Variants in GPR158 observed in about 807,000 individuals in gnomAD.
The protein encoded by GPR158 is G protein-coupled receptor 158.
A neutral mutation model predicts 78.2 loss-of-function variants in GPR158; 30 were observed. That is an observed-to-expected ratio of 0.38 (90% CI 0.29 to 0.52). GPR158 has a LOEUF of 0.52. Ranked by LOEUF, GPR158 falls within the 20% of genes least tolerant of loss-of-function variation. The pLI is 0.83. For synonymous variants in GPR158, 581 were observed against 591.1 expected (o/e 0.98, Z 0.25); for missense variants, 1,463 against 1,523.5 (o/e 0.96, Z 0.66).
At chr10:25,429,898 A>T (rs1171056634) in intron 4 of GPR158, among the ~76,000 whole-genome samples, 1 of 140,568 alleles carries the variant, frequency 7.1e-6, no homozygotes, top group African/African-American at 2.7e-5. Flanking sequence ...ACCCACAGCC[A>T]ATATCATACT....
intron 2 of GPR158, among the ~76,000 whole-genome samples, chr10:25,289,769 C>G (rs1056920881): frequency 1.3e-5 from 2 of 152,104 alleles, no homozygotes; most frequent in Non-Finnish European, 2.9e-5. Context: ...TTGAAGTCCA[C>G]AAACGTGAGG....
intron 5 of GPR158, among the ~76,000 whole-genome samples, chr10:25,522,918 T>G (rs966487554): frequency 2.0e-5 from 3 of 152,082 alleles, no homozygotes; most frequent in Admixed American, 2.0e-4. Flanking sequence ...AAGGTTATAT[T>G]AATCTCAATT....
At chr10:25,476,682 A>G (rs990984302) in intron 5 of GPR158, among the ~76,000 whole-genome samples, 1 of 152,098 alleles carries the variant, frequency 6.6e-6, no homozygotes, top group Non-Finnish European at 1.5e-5. Context: ...CAAGAATTAA[A>G]TCCATTCTCT....
chr10:25,402,707 A>G (rs1012830073), intron 3 of GPR158, among the ~76,000 whole-genome samples: 2 of 152,056 alleles, frequency 1.3e-5, no homozygotes, highest in South Asian at 2.1e-4. Flanking sequence ...ATTTATTTCT[A>G]CTATTCTTGT....
At chr10:25,579,419 T>C (rs1443336810) in intron 7 of GPR158, among the ~76,000 whole-genome samples, 3 of 152,296 alleles carry the variant, frequency 2.0e-5, no homozygotes, top group East Asian at 1.9e-4. Flanking sequence ...AGGCAGGTCC[T>C]CCAGTATGGG....
At chr10:25,539,766 T>G (rs1836550557) in intron 5 of GPR158, among the ~76,000 whole-genome samples, 1 of 152,166 alleles carries the variant, frequency 6.6e-6, no homozygotes, top group African/African-American at 2.4e-5. Context: ...ATTATAGCCA[T>G]TCTCATGTAT....
chr10:25,507,353 A>G (rs981636699), intron 5 of GPR158, among the ~76,000 whole-genome samples: 6 of 152,242 alleles, frequency 3.9e-5, no homozygotes, highest in African/African-American at 1.4e-4. Flanking sequence ...CCCTTCAGAA[A>G]GAAGATAGAA....
chr10:25,375,664 T>C (rs1356590962), intron 2 of GPR158, among the ~76,000 whole-genome samples: 1 of 151,674 alleles, frequency 6.6e-6, no homozygotes, highest in Non-Finnish European at 1.5e-5. Context: ...CTTTTTCCGC[T>C]TAATTGTATT....
chr10:25,566,515 A>T (rs1433344044), intron 6 of GPR158, among the ~76,000 whole-genome samples: 1 of 151,910 alleles, frequency 6.6e-6, no homozygotes, highest in Non-Finnish European at 1.5e-5. Context: ...TTTTTTCATT[A>T]TTCTTCCTTA....
intron 4 of GPR158, among the ~76,000 whole-genome samples, chr10:25,441,411 C>T (rs1835066551): frequency 6.6e-6 from 1 of 152,188 alleles, no homozygotes; most frequent in Admixed American, 6.6e-5. Context: ...TGTTCTTCAC[C>T]CTTCAACTGC....
intron 1 of GPR158, among the ~76,000 whole-genome samples, chr10:25,202,609 AT>A (rs1852949292): frequency 6.6e-6 from 1 of 152,138 alleles, no homozygotes; most frequent in African/African-American, 2.4e-5. Context: ...GCTGCATAGT[AT>A]TTCCTGGTGT....
At chr10:25,423,123 A>G (rs1834774807) in intron 4 of GPR158, among the ~76,000 whole-genome samples, 1 of 128,944 alleles carries the variant, frequency 7.8e-6, no homozygotes, top group African/African-American at 2.9e-5. Context: ...ATATATACAT[A>G]TATATGTATA....
chr10:25,343,878 CATT>C (rs1373463554), intron 2 of GPR158, among the ~76,000 whole-genome samples: 2 of 151,988 alleles, frequency 1.3e-5, no homozygotes, highest in Non-Finnish European at 2.9e-5. Flanking sequence ...AAAAACATCT[CATT>C]AATATTTCAC....
At chr10:25,185,605 C>T (rs1025112590) in intron 1 of GPR158, among the ~76,000 whole-genome samples, 2 of 152,156 alleles carry the variant, frequency 1.3e-5, no homozygotes, top group Non-Finnish European at 2.9e-5. Context: ...AGATGGATCA[C>T]GAGGTCAGGA....
chr10:25,311,072 T>G (rs569034197), intron 2 of GPR158, among the ~76,000 whole-genome samples: 2 of 152,162 alleles, frequency 1.3e-5, no homozygotes, highest in Admixed American at 1.3e-4. Flanking sequence ...TACATTAGCA[T>G]CACACTATTT....
intron 1 of GPR158, among the ~76,000 whole-genome samples, chr10:25,207,992 T>C (rs1853068919): frequency 6.6e-6 from 1 of 152,208 alleles, no homozygotes; most frequent in Non-Finnish European, 1.5e-5. Context: ...GCCTAGTAGT[T>C]TGGTAAAGAT....
chr10:25,404,462 AT>A (rs1834486301), intron 3 of GPR158, among the ~76,000 whole-genome samples: 1 of 152,248 alleles, frequency 6.6e-6, no homozygotes. Context: ...ATATTGAAAT[AT>A]TTAACCAACG....
intron 2 of GPR158, among the ~76,000 whole-genome samples, chr10:25,321,399 C>T (rs574205969): frequency 6.6e-5 from 10 of 152,132 alleles, no homozygotes; most frequent in African/African-American, 1.7e-4. Flanking sequence ...TGAGTAAACA[C>T]GAAGACCTCT....
At chr10:25,487,791 A>C (rs1835754862) in intron 5 of GPR158, among the ~76,000 whole-genome samples, 2 of 152,154 alleles carry the variant, frequency 1.3e-5, no homozygotes, top group South Asian at 4.1e-4. Context: ...AAAAAGGAAA[A>C]GCATTTTTCT....
Sources: gnomAD v4.1 joint callset for allele counts (sites outside exome capture counted in the v4.1 genomes callset) on GRCh38, gnomAD v4.1.1 for gene constraint, MANE v1.5 for transcripts, NCBI Gene and HGNC (gene_info 2026-07-23, HGNC 2026-07-21) for gene names.